PDGFC: variants seen among roughly 807,000 people sequenced by gnomAD.
PDGFC encodes the protein platelet derived growth factor C.
A neutral mutation model predicts 35.5 loss-of-function variants in PDGFC; 12 were observed. The ratio of observed to expected loss-of-function variants is 0.34; its 90% CI spans 0.22 to 0.55. The LOEUF (loss-of-function observed/expected upper bound fraction) is 0.55, where lower values mean the gene tolerates loss of function less well. PDGFC is among the 20% of genes least tolerant of loss of function. The probability of loss-of-function intolerance (pLI) is 0.91; values close to 1 mark genes in which losing one functional copy is unlikely to be tolerated. For missense variants in PDGFC, 322 were observed against 412.4 expected (o/e 0.78, Z 1.90); for synonymous variants, 159 against 148.8 (o/e 1.07, Z -0.50).
chr4:156,827,994 C>T (rs768306856), intron 2 of PDGFC, among the ~76,000 whole-genome samples: 6 of 152,292 alleles, frequency 3.9e-5, no homozygotes, highest in South Asian at 2.1e-4. Flanking sequence ...GCCTCTCCTC[C>T]GAACATGCAG....
chr4:156,952,536 G>C (rs759990891), intron 1 of PDGFC, among the ~76,000 whole-genome samples: 12 of 151,780 alleles, frequency 7.9e-5, no homozygotes, highest in Non-Finnish European at 1.6e-4. Flanking sequence ...ATCTACTGCA[G>C]TACAAAGAGC....
intron 4 of PDGFC, among the ~76,000 whole-genome samples, chr4:156,772,327 T>C (rs2110815570): frequency 6.6e-6 from 1 of 152,312 alleles, no homozygotes; most frequent in East Asian, 1.9e-4. Context: ...TTTGCAGCTA[T>C]GATAATTTCT....
chr4:156,838,985 C>A (rs1224737244), intron 2 of PDGFC, among the ~76,000 whole-genome samples: 1 of 152,114 alleles, frequency 6.6e-6, no homozygotes, highest in Non-Finnish European at 1.5e-5. Context: ...CTCTGGAAGC[C>A]CATGCTATTT....
At chr4:156,950,873 CAG>C (rs978030022) in intron 1 of PDGFC, among the ~76,000 whole-genome samples, 2 of 151,800 alleles carry the variant, frequency 1.3e-5, no homozygotes, top group Admixed American at 1.3e-4. Flanking sequence ...ATTGATATAA[CAG>C]ACAAAATCAG....
chr4:156,811,924 T>A (rs1731942082), intron 2 of PDGFC, among the ~76,000 whole-genome samples: 1 of 152,030 alleles, frequency 6.6e-6, no homozygotes, highest in African/African-American at 2.4e-5. Context: ...TGAAAATGAG[T>A]ATTTGCCCCA....
chr4:156,813,600 C>A (rs1298376113), intron 2 of PDGFC, among the ~76,000 whole-genome samples: 1 of 151,952 alleles, frequency 6.6e-6, no homozygotes, highest in Non-Finnish European at 1.5e-5. Context: ...AGAAAGAAAG[C>A]GCTAAGCATG....
At chr4:156,796,900 A>G (rs1731457904) in intron 3 of PDGFC, among the ~76,000 whole-genome samples, 1 of 152,178 alleles carries the variant, frequency 6.6e-6, no homozygotes, top group African/African-American at 2.4e-5. Context: ...TACTTTAAGC[A>G]AAGTCACAAT....
chr4:156,799,597 T>G (rs949836764), intron 3 of PDGFC, among the ~76,000 whole-genome samples: 1 of 152,288 alleles, frequency 6.6e-6, no homozygotes, highest in East Asian at 1.9e-4. Flanking sequence ...CTTTCCAATT[T>G]TATTCTCCTA....
chr4:156,863,159 T>C (rs962821531), intron 1 of PDGFC, among the ~76,000 whole-genome samples: 14 of 152,216 alleles, frequency 9.2e-5, no homozygotes, highest in Non-Finnish European at 1.8e-4. Context: ...CATCATATAA[T>C]ATCTTGTCTA....
intron 3 of PDGFC, among the ~76,000 whole-genome samples, chr4:156,805,526 T>C (rs560702268): frequency 5.9e-5 from 9 of 152,228 alleles, no homozygotes; most frequent in African/African-American, 1.9e-4. Context: ...ATCCCACCAC[T>C]AATGTTTTTC....
Position 156,885,154 on chromosome 4 carries a change from CAT to C in PDGFC, c.119-34740_119-34739del, listed in dbSNP as rs528793173. On this transcript the variant is annotated intron_variant, in intron 1 of 5. Transcript: ENST00000502773. Reference sequence around the variant, plus strand: ...ATATACTTGTGCATGTATGTGCATACATACACACACACACACACACACACACA... The same window carrying C: ...ATATACTTGTGCATGTATGTGCATACACACACACACACACACACACACACA... 5.5e-3 allele frequency among the ~76,000 whole-genome samples: 590 copies of C among 107,898 alleles called. 3 individuals are homozygous for C. Among genetic ancestry groups the C allele is most frequent in the African/African-American group, 0.028 (564 of 20,370 alleles). The allele number at this position is 107,898 out of a possible 152,430, so 70.8% of individuals were successfully genotyped here. A position where few individuals can be genotyped will look rare whatever the true frequency, so the allele number is the denominator to read the frequency against.
At chr4:156,845,385 T>A (rs72683347) in intron 2 of PDGFC, among the ~76,000 whole-genome samples, 20,444 of 151,358 alleles carry the variant, frequency 0.14, 1,419 homozygotes, top group South Asian at 0.21. Context: ...AAATTAAAAA[T>A]ATATATATAT....
intron 1 of PDGFC, among the ~76,000 whole-genome samples, chr4:156,915,988 C>T (rs1489168837): frequency 3.3e-5 from 5 of 151,984 alleles, no homozygotes; most frequent in African/African-American, 1.2e-4. Context: ...ATAGCTCTAA[C>T]TCTATATTCC....
At chr4:156,768,758 G>A (rs1217379474) in intron 4 of PDGFC, among the ~76,000 whole-genome samples, 1 of 151,938 alleles carries the variant, frequency 6.6e-6, no homozygotes, top group East Asian at 1.9e-4. Flanking sequence ...TTAGCAAGTT[G>A]GTTAACTATG....
chr4:156,838,791 T>C (rs938619759), intron 2 of PDGFC, among the ~76,000 whole-genome samples: 3 of 152,104 alleles, frequency 2.0e-5, no homozygotes, highest in Non-Finnish European at 2.9e-5. Flanking sequence ...ATAATCTCCA[T>C]ATGTTGTGAG....
chr4:156,798,777 C>T (rs570136345), intron 3 of PDGFC, among the ~76,000 whole-genome samples: 11 of 152,280 alleles, frequency 7.2e-5, no homozygotes, highest in Admixed American at 1.3e-4. Context: ...ATATTTCTTT[C>T]TCTAAAAAAA....
chr4:156,772,143 T>C lies in PDGFC; in HGVS notation c.703+543A>G, dbSNP rs114126770. Among the ~76,000 whole-genome samples, 1,039 of 152,302 alleles carry C rather than the reference T, an allele frequency of 6.8e-3. 15 individuals carry two copies. Among genetic ancestry groups the C allele is most frequent in the African/African-American group, 0.024 (1,001 of 41,570 alleles). On this transcript the variant is annotated intron_variant, in intron 4 of 5. Coordinates refer to ENST00000502773, the MANE Select transcript of PDGFC (RefSeq NM_016205.3). ...CTTTTAGGTTCTTGTTTTCTTGCTA[T>C]GAATCCTGCCTTGAAAACTATGAAT...
At chr4:156,809,350 G>A (rs960103975) in intron 3 of PDGFC, among the ~76,000 whole-genome samples, 1 of 152,008 alleles carries the variant, frequency 6.6e-6, no homozygotes, top group Non-Finnish European at 1.5e-5. Flanking sequence ...CTGATAATAG[G>A]TCAACCCTGG....
chr4:156,968,115 GCAAT>G (rs1435487979), intron 1 of PDGFC, among the ~76,000 whole-genome samples: 1 of 152,124 alleles, frequency 6.6e-6, no homozygotes, highest in Non-Finnish European at 1.5e-5. Flanking sequence ...ATTGGCTACA[GCAAT>G]CAATTTCCAA....
Sources: allele counts gnomAD v4.1 joint callset (sites outside exome capture counted in the v4.1 genomes callset), GRCh38; gene constraint gnomAD v4.1.1; transcripts MANE v1.5; gene names NCBI Gene and HGNC (gene_info 2026-07-23, HGNC 2026-07-21).